Variants in ITGB5 observed in about 807,000 individuals in gnomAD.
ITGB5 encodes the protein integrin beta-5.
A neutral mutation model predicts 84.8 loss-of-function variants in ITGB5; 38 were observed. The observed-to-expected ratio is 0.45, with a 90% CI of 0.35 to 0.59. ITGB5 has a LOEUF of 0.59. ITGB5 is among the 20% of genes least tolerant of loss of function. The probability of loss-of-function intolerance (pLI) is 0.01; values close to 1 mark genes in which losing one functional copy is unlikely to be tolerated. For missense variants in ITGB5, 905 were observed against 1,034.5 expected (o/e 0.87, Z 1.72); for synonymous variants, 393 against 414.4 (o/e 0.95, Z 0.63).
Position 124,769,096 on chromosome 3 carries a change from A to G in ITGB5, c.1934T>C (p.Leu645Pro). 6.2e-7 allele frequency: 1 copy of G among 1,614,006 alleles called. No homozygotes were observed. Among genetic ancestry groups the G allele is most frequent in the Non-Finnish European group, 8.5e-7 (1 of 1,179,998 alleles). ...GTCAGGTTTCCCAGAGTGGAGCAGC[A>G]GGCACTCGACGCAATCTCTTTGGAA... ...CSTKRDCVEC[L>P]LLHSGKPDNQ... Residue 645 changes from leucine to proline, a missense_variant, in exon 12 of 15, where the codon CTG becomes CCG. Leu to Pro is a moderately conservative substitution (Grantham distance 98). Transcript: ENST00000296181.
At chr3:124,822,761 C>A (rs1339287730) in intron 5 of ITGB5, among the ~76,000 whole-genome samples, 2 of 152,162 alleles carry the variant, frequency 1.3e-5, no homozygotes, top group African/African-American at 4.8e-5. Flanking sequence ...CCAGGCCCCA[C>A]AGAAGGCACT....
intron 8 of ITGB5, among the ~76,000 whole-genome samples, chr3:124,816,877 C>G (rs911146235): frequency 2.0e-5 from 3 of 152,108 alleles, no homozygotes; most frequent in Non-Finnish European, 4.4e-5. Flanking sequence ...TTCACGAACC[C>G]TCTGAAAGGA....
At chr3:124,840,579 C>G (rs2064996849) in intron 5 of ITGB5, among the ~76,000 whole-genome samples, 1 of 152,074 alleles carries the variant, frequency 6.6e-6, no homozygotes, top group East Asian at 1.9e-4. Context: ...TCTAGGCCCT[C>G]CCTCTGGATT....
intron 8 of ITGB5, among the ~76,000 whole-genome samples, chr3:124,817,101 C>T (rs897851548): frequency 1.3e-5 from 2 of 152,128 alleles, no homozygotes; most frequent in African/African-American, 2.4e-5. Flanking sequence ...AATGGATTGT[C>T]GATTCTCCCA....
chr3:124,778,482 G>T (rs1051524763), intron 10 of ITGB5, among the ~76,000 whole-genome samples: 1 of 152,168 alleles, frequency 6.6e-6, no homozygotes, highest in African/African-American at 2.4e-5. Context: ...AGACGTGAGA[G>T]GAAGCCCCAG....
intron 6 of ITGB5, among the ~76,000 whole-genome samples, chr3:124,821,034 G>A (rs61760577): frequency 0.013 from 1,974 of 152,220 alleles, 22 homozygotes; most frequent in South Asian, 0.038. Flanking sequence ...TGTTTCCCCT[G>A]GGCCACCCGT....
chr3:124,784,238 T>C (rs1194706447), intron 10 of ITGB5, among the ~76,000 whole-genome samples: 1 of 152,176 alleles, frequency 6.6e-6, no homozygotes, highest in Non-Finnish European at 1.5e-5. Flanking sequence ...GCCAGCTGGG[T>C]GCAGTGGCTT....
In ITGB5 at chr3:124,892,899, G is replaced by GT. The variant is rs549772930; in HGVS notation, c.-255+8366dup. 9.9e-5 allele frequency among the ~76,000 whole-genome samples: 15 copies of GT among 152,200 alleles called. No homozygotes were observed. In the South Asian group the frequency reaches 3.1e-3, roughly 32 times the overall value. On this transcript the variant is annotated intron_variant, in intron 1 of 4. Transcript: ENST00000608657. ...AGAAATATTTCACTGAGGCATACCT[G>GT]TAATTTAACATGCAGGGAGAAAAAG...
At chr3:124,817,040 T>A (rs1579243227) in intron 8 of ITGB5, among the ~76,000 whole-genome samples, 1 of 152,170 alleles carries the variant, frequency 6.6e-6, no homozygotes, top group South Asian at 2.1e-4. Context: ...GGCAACATAG[T>A]GAGACCTCAT....
In ITGB5 at chr3:124,841,695, G is replaced by A. The variant is rs2065014213; in HGVS notation, c.612-144C>T. 3 of 716,146 alleles carry A rather than the reference G, an allele frequency of 4.2e-6. No individual in the cohort carries two copies. The Admixed American group carries it at 8.7e-5, about 21-fold the overall frequency. The allele number at this position is 716,146 out of a possible 1,614,324, so 44.4% of individuals were successfully genotyped here. On this transcript the variant is annotated intron_variant, in intron 4 of 14. Transcript: ENST00000296181. ...CACATGCCCCAGGACAGGCACAGCA[G>A]AGAGAGCAAAGATAAATAACATAGT...
At chr3:124,765,378 C>T (rs145492566) in intron 13 of ITGB5, among the ~76,000 whole-genome samples, 8 of 152,302 alleles carry the variant, frequency 5.3e-5, no homozygotes, top group Non-Finnish European at 5.9e-5. Flanking sequence ...AATGTTGAAC[C>T]CAGTGCTCCG....
chr3:124,899,901 G>A (rs897823709), intron 1 of ITGB5, among the ~76,000 whole-genome samples: 2 of 138,478 alleles, frequency 1.4e-5, no homozygotes, highest in Non-Finnish European at 3.1e-5. Context: ...CAGGCATGTT[G>A]CAGGTAGTTT....
intron 1 of ITGB5, among the ~76,000 whole-genome samples, chr3:124,899,294 T>G (rs1321302083): frequency 6.6e-6 from 1 of 152,130 alleles, no homozygotes; most frequent in Non-Finnish European, 1.5e-5. Flanking sequence ...GTTGAGGGCT[T>G]TTTACATAGC....
rs61761669 is a variant in ITGB5, at chr3:124,809,373, T to C, written c.1129-217A>G. 6.9e-4 allele frequency: 371 copies of C among 540,932 alleles called. 2 individuals carry two copies. Among genetic ancestry groups the C allele is most frequent in the African/African-American group, 6.2e-3 (328 of 53,190 alleles). The allele number at this position is 540,932 out of a possible 1,614,324, so 33.5% of individuals were successfully genotyped here. A position where few individuals can be genotyped will look rare whatever the true frequency, so the allele number is the denominator to read the frequency against. The stretch of plus-strand genomic sequence containing the variant: ...CTAGACCCAGCCTGAGGTCTCCCTC[T>C]GTGAGTTTGGAGAAGTTGATAGTGG... On this transcript the variant is annotated intron_variant, in intron 8 of 14. Coordinates refer to ENST00000296181, the MANE Select transcript of ITGB5 (RefSeq NM_002213.5).
intron 10 of ITGB5, among the ~76,000 whole-genome samples, chr3:124,778,458 C>T (rs2063955475): frequency 6.6e-6 from 1 of 152,180 alleles, no homozygotes; most frequent in South Asian, 2.1e-4. Context: ...GCCAGTGGCC[C>T]TGTCAGCCCA....
chr3:124,796,151 G>A lies in ITGB5; in HGVS notation c.1693+237C>T, dbSNP rs139961354. 2.0e-3 allele frequency among the ~76,000 whole-genome samples: 299 copies of A among 152,322 alleles called. 1 individual carries two copies. Among genetic ancestry groups the A allele is most frequent in the African/African-American group, 7.0e-3 (291 of 41,574 alleles). ...TTGGGAAGTAAGGTGGATGACCCAC[G>A]CAGGCCCCTCGAATTCTGAGAGTCC... On this transcript the variant is annotated intron_variant, in intron 10 of 14. Coordinates refer to ENST00000296181, the MANE Select transcript of ITGB5 (RefSeq NM_002213.5).
At chr3:124,894,135 T>TTTTTTTTTTC (rs1935053628) in intron 1 of ITGB5, among the ~76,000 whole-genome samples, 1 of 61,684 alleles carries the variant, frequency 1.6e-5, no homozygotes, top group Admixed American at 1.6e-4. Flanking sequence ...GATATTTTTC[T>TTTTTTTTTTC]TTTTTTTTTT....
intron 3 of ITGB5, 98 bp downstream of exon 3, chr3:124,859,144 A>G: frequency 1.7e-6 from 2 of 1,183,410 alleles, no homozygotes; most frequent in Non-Finnish European, 2.4e-6. Context: ...CTCTGATCTC[A>G]GCCTGGCCTG....
At chr3:124,865,488 T>TC (rs2065375131) in intron 2 of ITGB5, among the ~76,000 whole-genome samples, 2 of 137,894 alleles carry the variant, frequency 1.5e-5, no homozygotes, top group Admixed American at 1.4e-4. Flanking sequence ...TTTCTTTTTT[T>TC]TTTTTTTTTT....
Sources: gnomAD v4.1 joint callset for allele counts (sites outside exome capture counted in the v4.1 genomes callset) on GRCh38, gnomAD v4.1.1 for gene constraint, MANE v1.5 for transcripts, NCBI Gene and HGNC (gene_info 2026-07-23, HGNC 2026-07-21) for gene names.